Variants in OR4K1 observed in about 807,000 individuals in gnomAD.
OR4K1 encodes the protein olfactory receptor 4K1.
In OR4K1, 16 loss-of-function variants were observed where a neutral mutation model predicts 14.4. The ratio of observed to expected loss-of-function variants is 1.11; its 90% confidence interval spans 0.75 to 1.68. The LOEUF (loss-of-function observed/expected upper bound fraction) is 1.68. OR4K1 is among the 40% of genes most tolerant of loss of function. The probability of loss-of-function intolerance (pLI) is 0.00; values close to 1 mark genes in which losing one functional copy is unlikely to be tolerated. For synonymous variants in OR4K1, 181 were observed against 133.1 expected (o/e 1.36, Z -2.48); for missense variants, 548 against 376.9 (o/e 1.45, Z -3.76).
At chr14:19,930,620 CAG>C (rs1371453040), upstream of OR4K1, among the ~76,000 whole-genome samples, 1 of 152,210 alleles carries the variant, frequency 6.6e-6, no homozygotes, top group African/African-American at 2.4e-5. Context: ...GTTTTATTAA[CAG>C]AGAGTTAGGA....
chr14:19,932,424 T>G (rs1245694920), intron 1 of OR4K1, among the ~76,000 whole-genome samples: 3 of 152,152 alleles, frequency 2.0e-5, no homozygotes, highest in Non-Finnish European at 4.4e-5. Context: ...TCTCTTTCAA[T>G]CTCCACTCCC....
In OR4K1 at chr14:19,936,605, A is replaced by C. The variant is rs779297787; in HGVS notation, c.*3A>C. On this transcript the variant is annotated 3_prime_UTR_variant, in exon 2 of 2. Transcript: ENST00000641172. ...ATGTGAACTCCTGGAAAAACTAGGG[A>C]TCATTACGAAGGAGCATAATCCTGA... is the stretch of plus-strand genomic sequence containing the variant. 1.3e-6 allele frequency: 2 copies of C among 1,592,530 alleles called. No individual in the cohort carries two copies. The highest frequency in any genetic ancestry group is 1.4e-5 in the African/African-American group (1 of 73,980).
At chr14:19,930,175 G>A (rs539054500), upstream of OR4K1, among the ~76,000 whole-genome samples, 1 of 152,060 alleles carries the variant, frequency 6.6e-6, no homozygotes, top group Non-Finnish European at 1.5e-5. Flanking sequence ...CTCTCCTTCA[G>A]CCAGTGCTGC....
At chr14:19,921,585 A>G in the OR4K1 span, 2 of 1,601,452 alleles carry the variant, frequency 1.2e-6, no homozygotes, top group Non-Finnish European at 1.7e-6. Flanking sequence ...TTAAGACAAA[A>G]CTCCTTCAAA....
At chr14:19,921,131 C>G in the OR4K1 span, 6 of 1,614,150 alleles carry the variant, frequency 3.7e-6, no homozygotes, top group Non-Finnish European at 5.1e-6. Flanking sequence ...ATGTAGTAGA[C>G]AGCTTTTTTT....
At chr14:19,934,011 AAC>A (rs1373798298) in intron 1 of OR4K1, among the ~76,000 whole-genome samples, 2 of 152,096 alleles carry the variant, frequency 1.3e-5, no homozygotes, top group Non-Finnish European at 2.9e-5. Flanking sequence ...AAACAGTTTA[AAC>A]ACTTTTTAAT....
chr14:19,928,138 A>G (rs1018208157), upstream of OR4K1, among the ~76,000 whole-genome samples: 56 of 152,240 alleles, frequency 3.7e-4, no homozygotes, highest in African/African-American at 1.3e-3. Context: ...ATTTTGTGTC[A>G]CCAGTAGCTA....
At chr14:19,930,047 C>G (rs538309705), upstream of OR4K1, among the ~76,000 whole-genome samples, 1 of 152,130 alleles carries the variant, frequency 6.6e-6, no homozygotes, top group East Asian at 1.9e-4. Flanking sequence ...CATACATATT[C>G]ATGTACAAAA....
At chr14:19,930,783 C>T (rs1384898067), upstream of OR4K1, 1 of 152,244 alleles carries the variant, frequency 6.6e-6, no homozygotes, top group African/African-American at 2.4e-5. Flanking sequence ...AACATAATTA[C>T]TCCCACTGGA....
chr14:19,924,400 C>CAAAAAAAAAAAAAAAAAAAAA, the OR4K1 span, among the ~76,000 whole-genome samples: 108 of 79,258 alleles, frequency 1.4e-3, no homozygotes, highest in African/African-American at 3.7e-3. Flanking sequence ...AACTCCGTAT[C>CAAAAAAAAAAAAAAAAAAAAA]AAAAAAAAAA....
the OR4K1 span, chr14:19,921,474 A>C: frequency 6.2e-7 from 1 of 1,614,102 alleles, no homozygotes; most frequent in Non-Finnish European, 8.5e-7. Context: ...TTATACACTA[A>C]GGAATAGGGA....
upstream of OR4K1, among the ~76,000 whole-genome samples, chr14:19,928,842 T>C (rs1882119390): frequency 6.6e-6 from 1 of 152,166 alleles, no homozygotes; most frequent in African/African-American, 2.4e-5. Flanking sequence ...TACTTATTGA[T>C]ATTTCTTTAT....
At position 19,936,716 on chromosome 14, in the gene OR4K1, T is replaced by G; in HGVS notation, c.*114T>G. ...TGGGTTATTGAGTTACAGAATTGGC[T>G]TTTTGTTTTAAGTGCAAGGGAATTG... On this transcript the variant is annotated 3_prime_UTR_variant, in exon 2 of 2. Coordinates refer to ENST00000641172, the MANE Select transcript of OR4K1 (RefSeq NM_001004063.3). 1 of 947,250 alleles carries G rather than the reference T, an allele frequency of 1.1e-6. No homozygotes were observed. The highest frequency in any genetic ancestry group is 1.5e-6 in the Non-Finnish European group (1 of 675,444). 58.7% of individuals were successfully genotyped at this position (947,250 alleles called of 1,614,324 possible).
chr14:19,923,924 T>C, the OR4K1 span, among the ~76,000 whole-genome samples: 3 of 152,220 alleles, frequency 2.0e-5, no homozygotes, highest in Non-Finnish European at 4.4e-5. Flanking sequence ...GTGGGTTCTG[T>C]CTCCTGACTA....
chr14:19,920,450 T>C, the OR4K1 span: 8 of 796,642 alleles, frequency 1.0e-5, no homozygotes, highest in Admixed American at 3.1e-5. Context: ...CCAGACATAC[T>C]ATTATGGCCT....
chr14:19,925,490 G>A, the OR4K1 span, among the ~76,000 whole-genome samples: 2 of 152,236 alleles, frequency 1.3e-5, no homozygotes, highest in Admixed American at 1.3e-4. Context: ...CTTATTAGGG[G>A]ATTTGTTTAT....
the OR4K1 span, among the ~76,000 whole-genome samples, chr14:19,925,663 T>G: frequency 6.6e-6 from 1 of 152,280 alleles, no homozygotes; most frequent in Non-Finnish European, 1.5e-5. Context: ...GCAGTCCTTC[T>G]GACAAGGAAC....
At chr14:19,933,017 A>C (rs117595246) in intron 1 of OR4K1, among the ~76,000 whole-genome samples, 9,733 of 149,816 alleles carry the variant, frequency 0.065, 529 homozygotes, top group East Asian at 0.47. Context: ...ATTTTTATAT[A>C]AAGCATGTAT....
intron 1 of OR4K1, among the ~76,000 whole-genome samples, chr14:19,933,899 A>G (rs1882243207): frequency 6.6e-6 from 1 of 152,138 alleles, no homozygotes; most frequent in South Asian, 2.1e-4. Flanking sequence ...TTCTTCTTAA[A>G]ACCAATTCAA....
Sources: gnomAD v4.1 joint callset for allele counts (sites outside exome capture counted in the v4.1 genomes callset) on GRCh38, gnomAD v4.1.1 for gene constraint, MANE v1.5 for transcripts, NCBI Gene and HGNC (gene_info 2026-07-23, HGNC 2026-07-21) for gene names.